PTPRC: variants seen among roughly 807,000 people sequenced by gnomAD.
The protein encoded by PTPRC is protein tyrosine phosphatase receptor type C.
A neutral mutation model predicts 155.9 loss-of-function variants in PTPRC; 44 were observed. That is an observed-to-expected ratio of 0.28 (90% CI 0.22 to 0.36). PTPRC has a LOEUF of 0.36. Among genes scored for constraint, PTPRC ranks in the 10% least tolerant of loss-of-function variants. The probability of loss-of-function intolerance (pLI) is 1.00; values close to 1 mark genes in which losing one functional copy is unlikely to be tolerated. For missense variants in PTPRC, 1,401 were observed against 1,564.6 expected (o/e 0.90, Z 1.76); for synonymous variants, 525 against 533.1 (o/e 0.98, Z 0.21).
chr1:198,694,998 A>G, intron 3 of PTPRC: 2 of 966,834 alleles, frequency 2.1e-6, no homozygotes, highest in Non-Finnish European at 2.5e-6. Context: ...GAAGTTTTTC[A>G]TTAGAAAATA....
chr1:198,705,549 T>C (rs987443394), intron 8 of PTPRC, among the ~76,000 whole-genome samples: 1 of 151,870 alleles, frequency 6.6e-6, no homozygotes, highest in Non-Finnish European at 1.5e-5. Context: ...GCCTCCCAAG[T>C]AGCTGGGACT....
chr1:198,717,939 G>T (rs955277705), intron 13 of PTPRC, among the ~76,000 whole-genome samples, 155 bp from the exon 14 acceptor site: 4 of 152,076 alleles, frequency 2.6e-5, no homozygotes, highest in African/African-American at 4.8e-5. Context: ...TCAGGGTTTT[G>T]ATATTGTTTT....
In PTPRC at chr1:198,756,050, C is replaced by A. The variant is rs2102560240; in HGVS notation, c.3790C>A (p.Pro1264Thr). ...KVKQDANCVN[P>T]LGAPEKLPEA... The stretch of plus-strand genomic sequence containing the variant: ...AAAGCAGGATGCTAATTGTGTTAAT[C>A]CACTTGGTGCCCCAGAAAAGCTCCC... Residue 1264 changes from proline (P) to threonine (T), a missense_variant, in exon 33 of 33, where the codon CCA (proline) becomes ACA (threonine). Physicochemically the swap from Pro to Thr is conservative, Grantham distance 38 (BLOSUM62 -1). Transcript: ENST00000442510. 1 of 1,613,412 alleles carries A rather than the reference C, an allele frequency of 6.2e-7. No homozygotes were observed. Among genetic ancestry groups the A allele is most frequent in the African/African-American group, 1.3e-5 (1 of 74,964 alleles).
intron 2 of PTPRC, among the ~76,000 whole-genome samples, chr1:198,640,175 G>A (rs6673408): frequency 0.11 from 16,737 of 151,738 alleles, 1,433 homozygotes; most frequent in African/African-American, 0.22. Flanking sequence ...CTTGAGCGGC[G>A]TCAATATGAA....
chr1:198,730,831 A>T (rs1163982623), intron 17 of PTPRC, among the ~76,000 whole-genome samples: 1 of 152,128 alleles, frequency 6.6e-6, no homozygotes, highest in Admixed American at 6.6e-5. Flanking sequence ...TTCCATGGGC[A>T]ATAAGATAAA....
At position 198,752,663 on chromosome 1, in the gene PTPRC, C is replaced by G. The variant is rs1655438382; in HGVS notation, c.3400C>G (p.Pro1134Ala). Residue 1134 changes from proline (P) to alanine (A), a missense_variant, in exon 31 of 33, where the codon CCC (proline) becomes GCC (alanine). By Grantham distance (27) the Pro-to-Ala change is conservative. Around this residue, in one of 3 missense-constraint regions of PTPRC, gnomAD observed 400 missense variants for 389.5 expected, o/e 1.03. Transcript: ENST00000442510. ...GAGTGTGGAGCAGCTTCCTGCAGAA[C>G]CCAAGGAATTAATCTCTATGATTCA... Reference protein sequence around the residue: ...NWSVEQLPAEPKELISMIQVV... With the variant: ...NWSVEQLPAEAKELISMIQVV... 4.3e-6 allele frequency: 7 copies of G among 1,612,716 alleles called. No individual in the cohort carries two copies. Among genetic ancestry groups the G allele is most frequent in the Non-Finnish European group, 5.9e-6 (7 of 1,179,250 alleles).
intron 15 of PTPRC, 119 bp downstream of exon 15, chr1:198,722,595 C>A: frequency 2.2e-6 from 1 of 452,342 alleles, no homozygotes; most frequent in South Asian, 6.3e-5. Flanking sequence ...AATATCTCTT[C>A]CGTAAATGTA....
intron 5 of PTPRC, among the ~76,000 whole-genome samples, chr1:198,701,163 A>G (rs535097913): frequency 1.2e-4 from 18 of 152,244 alleles, no homozygotes; most frequent in African/African-American, 4.1e-4. Flanking sequence ...ATTCTATTCT[A>G]TGGTTTAGTT....
At chr1:198,693,018 G>A in intron 3 of PTPRC, 15 of 957,884 alleles carry the variant, frequency 1.6e-5, no homozygotes, top group Non-Finnish European at 1.9e-5. Flanking sequence ...CTTAACTGAT[G>A]TTACTGAAAA....
At chr1:198,713,172 T>G in intron 12 of PTPRC, 100 bp downstream of exon 12, 1 of 1,535,356 alleles carries the variant, frequency 6.5e-7, no homozygotes, top group South Asian at 1.1e-5. Context: ...GCTCTCTGCT[T>G]AGAGACTGCA....
chr1:198,682,997 A>AT (rs1331715993), intron 2 of PTPRC, among the ~76,000 whole-genome samples: 1 of 152,058 alleles, frequency 6.6e-6, no homozygotes, highest in Non-Finnish European at 1.5e-5. Context: ...AGCATTAAAT[A>AT]TTTTTTCCTT....
rs1662440398 is a variant in PTPRC, at chr1:198,639,280, T to C, written c.12T>C (p.Tyr4=). Residue 4 remains tyrosine (Y), a synonymous_variant, in exon 2 of 33, where the codon TAT becomes TAC. Coordinates refer to ENST00000442510, the MANE Select transcript of PTPRC (RefSeq NM_002838.5). Reference sequence around the variant, plus strand: ...GCTGACTTCCAGATATGACCATGTATTTGTGGCTTAAACTCTTGGCATTTG... The same window carrying C: ...GCTGACTTCCAGATATGACCATGTACTTGTGGCTTAAACTCTTGGCATTTG... The part of the protein sequence containing the change: MTM[Y]LWLKLLAFGF... 1 of 1,613,356 alleles carries C rather than the reference T, an allele frequency of 6.2e-7. No individual in the cohort carries two copies.
At chr1:198,716,235 A>C (rs1653579641) in intron 12 of PTPRC, among the ~76,000 whole-genome samples, 1 of 152,204 alleles carries the variant, frequency 6.6e-6, no homozygotes, top group African/African-American at 2.4e-5. Context: ...TGATGATCAA[A>C]TGGATTCTGC....
intron 12 of PTPRC, 66 bp downstream of exon 12, chr1:198,713,138 T>G: frequency 6.2e-7 from 1 of 1,605,550 alleles, no homozygotes; most frequent in Non-Finnish European, 8.5e-7. Context: ...ACTAGAAATT[T>G]TTATTGAGCC....
chr1:198,708,927 G>A (rs765837813), intron 10 of PTPRC, among the ~76,000 whole-genome samples: 1 of 152,202 alleles, frequency 6.6e-6, no homozygotes, highest in East Asian at 1.9e-4. Context: ...GCGCATGCAC[G>A]CATATCCACA....
At chr1:198,694,024 T>G in intron 3 of PTPRC, 1 of 1,548,444 alleles carries the variant, frequency 6.5e-7, no homozygotes, top group Non-Finnish European at 8.7e-7. Flanking sequence ...ATAGGCCATC[T>G]GCAAGCTGAG....
intron 2 of PTPRC, among the ~76,000 whole-genome samples, chr1:198,688,370 C>T (rs369816432): frequency 1.4e-4 from 22 of 151,962 alleles, no homozygotes; most frequent in East Asian, 1.4e-3. Context: ...TGAAAAGATT[C>T]GAGGAAATTT....
chr1:198,649,535 C>T (rs112802028), intron 2 of PTPRC, among the ~76,000 whole-genome samples: 1 of 151,826 alleles, frequency 6.6e-6, no homozygotes, highest in East Asian at 1.9e-4. Flanking sequence ...ACAATCGCTA[C>T]TTTTAAAGTA....
At chr1:198,750,718 T>A in intron 29 of PTPRC, 92 bp downstream of exon 29, 2 of 1,466,370 alleles carry the variant, frequency 1.4e-6, no homozygotes, top group Non-Finnish European at 1.9e-6. Context: ...CATACCCACG[T>A]CTTTTTTTAT....
Sources: gnomAD v4.1 joint callset for allele counts (sites outside exome capture counted in the v4.1 genomes callset) on GRCh38, gnomAD v4.1.1 for gene constraint, gnomAD v4.1.1 regional missense constraint, MANE v1.5 for transcripts, NCBI Gene and HGNC (gene_info 2026-07-23, HGNC 2026-07-21) for gene names.